Variants in AKAP13 observed in about 807,000 individuals in gnomAD.
AKAP13 encodes A-kinase anchor protein 13.
In AKAP13, 80 loss-of-function variants were observed where a neutral mutation model predicts 264.5. That is an observed-to-expected ratio of 0.30 (90% CI 0.25 to 0.36). AKAP13 has a LOEUF of 0.36. Ranked by LOEUF, AKAP13 falls within the 10% of genes least tolerant of loss-of-function variation. The probability of loss-of-function intolerance (pLI) is 1.00; values close to 1 mark genes in which losing one functional copy is unlikely to be tolerated. For synonymous variants in AKAP13, 1,380 were observed against 1,250.2 expected, an observed-to-expected ratio of 1.10 and a Z score of -2.19; for missense variants, 3,712 against 3,435.2, an observed-to-expected ratio of 1.08 and a Z score of -2.01.
intron 21 of AKAP13, 27 bp from the exon 22 acceptor site, chr15:85,717,980 C>G: frequency 6.2e-7 from 1 of 1,605,816 alleles, no homozygotes; most frequent in South Asian, 1.1e-5. Context: ...AAACCTGATT[C>G]TGATATTGAT....
In AKAP13 at chr15:85,515,542, C is replaced by T. The variant is rs976621180; in HGVS notation, c.34-5886C>T. 5.0e-5 allele frequency among the ~76,000 whole-genome samples: 7 copies of T among 138,970 alleles called. 1 individual carries two copies. The highest frequency in any genetic ancestry group is 1.1e-4 in the Non-Finnish European group (7 of 64,788). 91.2% of individuals were successfully genotyped at this position (138,970 alleles called of 152,430 possible). Reference sequence around the variant, plus strand: ...GTTGTCCCGATAATATCCTTAATAGCAGCTTGTTTTTATTAAGTATTCACT... The same window carrying T: ...GTTGTCCCGATAATATCCTTAATAGTAGCTTGTTTTTATTAAGTATTCACT... On this transcript the variant is annotated intron_variant, in intron 2 of 36. Coordinates refer to ENST00000394518, the MANE Select transcript of AKAP13 (RefSeq NM_007200.5).
chr15:85,441,354 G>T (rs1012125274), intron 1 of AKAP13, among the ~76,000 whole-genome samples: 2 of 151,916 alleles, frequency 1.3e-5, no homozygotes, highest in African/African-American at 4.8e-5. Context: ...TACTGTTTTT[G>T]TATTGAGTTA....
intron 5 of AKAP13, among the ~76,000 whole-genome samples, chr15:85,550,783 G>A (rs1418739015): frequency 6.6e-6 from 1 of 152,194 alleles, no homozygotes; most frequent in Admixed American, 6.5e-5. Context: ...TCATCAGTCT[G>A]TCCATCCCTT....
chr15:85,577,425 C>T (rs981983632), intron 6 of AKAP13, among the ~76,000 whole-genome samples: 7 of 152,158 alleles, frequency 4.6e-5, no homozygotes, highest in African/African-American at 1.7e-4. Flanking sequence ...AAGGTAAAAT[C>T]ACTAAAGATC....
At chr15:85,519,158 C>T (rs1479246863) in intron 2 of AKAP13, among the ~76,000 whole-genome samples, 3 of 151,892 alleles carry the variant, frequency 2.0e-5, no homozygotes, top group East Asian at 1.9e-4. Context: ...TAAGTTCTCA[C>T]GTAATCATTA....
intron 10 of AKAP13, 83 bp from the exon 11 acceptor site, chr15:85,655,334 A>C (rs2083049341): frequency 6.0e-6 from 9 of 1,509,926 alleles, no homozygotes; most frequent in Middle Eastern, 1.9e-4. Flanking sequence ...TCCACTGAGA[A>C]GCCATTGGCT....
At chr15:85,653,820 A>C (rs182087382) in intron 10 of AKAP13, among the ~76,000 whole-genome samples, 1 of 152,218 alleles carries the variant, frequency 6.6e-6, no homozygotes, top group Non-Finnish European at 1.5e-5. Flanking sequence ...GACAGTGTCC[A>C]CATCTTAAGA....
At position 85,614,093 on chromosome 15, in the gene AKAP13, A is replaced by G. The variant is rs143040369; in HGVS notation, c.4162-25281A>G. ...TGTAATATGTGTGTCAAGAAAACCA[A>G]TTTGATCTTAGTTATCCCAGTGTGC... On this transcript the variant is annotated intron_variant, in intron 8 of 36. Coordinates refer to ENST00000394518, the MANE Select transcript of AKAP13 (RefSeq NM_007200.5). 4.1e-3 allele frequency among the ~76,000 whole-genome samples: 626 copies of G among 152,222 alleles called. 4 individuals carry two copies. The highest frequency in any genetic ancestry group is 0.014 in the African/African-American group (596 of 41,526).
At chr15:85,674,758 G>A (rs1169722890) in intron 14 of AKAP13, among the ~76,000 whole-genome samples, 1 of 152,100 alleles carries the variant, frequency 6.6e-6, no homozygotes. Context: ...CAGTGCTATT[G>A]AGGATATTTT....
intron 19 of AKAP13, among the ~76,000 whole-genome samples, chr15:85,713,994 T>C (rs1459358851): frequency 6.6e-6 from 1 of 152,188 alleles, no homozygotes; most frequent in Non-Finnish European, 1.5e-5. Flanking sequence ...ATAACTCGGA[T>C]GATAGGTGTG....
rs2087508265 is a variant in AKAP13, at chr15:85,724,824, G to A, written c.6745+1504G>A. On this transcript the variant is annotated intron_variant, in intron 26 of 36. Coordinates refer to ENST00000394518, the MANE Select transcript of AKAP13 (RefSeq NM_007200.5). The surrounding 1 kb of genome is among the most constrained non-coding windows in gnomAD (Gnocchi z 4.2). ...GCTCATCTGGGCCTGCATTGTAGCA[G>A]AAGGCATAAAAAAGAAGGGCAGAAA... Among the ~76,000 whole-genome samples the A allele has an allele frequency of 6.6e-6, 1 of 151,892 alleles. No individual in the cohort carries two copies. The highest frequency in any genetic ancestry group is 6.6e-5 in the Admixed American group (1 of 15,220).
chr15:85,735,301 C>A, intron 31 of AKAP13, 151 bp downstream of exon 31: 2 of 1,136,858 alleles, frequency 1.8e-6, no homozygotes, highest in Non-Finnish European at 2.5e-6. Context: ...GTCAGTCAGA[C>A]TCATATTCAT....
chr15:85,744,428 G>T, intron 36 of AKAP13, 200 bp from the exon 37 acceptor site: 1 of 591,948 alleles, frequency 1.7e-6, no homozygotes, highest in East Asian at 3.0e-5. Context: ...AAAAGTTAAA[G>T]GGAGCATTAG....
chr15:85,553,805 CCAGT>C (rs2078046861), intron 5 of AKAP13, among the ~76,000 whole-genome samples: 1 of 152,176 alleles, frequency 6.6e-6, no homozygotes, highest in African/African-American at 2.4e-5. Context: ...TGCCTACTGT[CCAGT>C]CAGTGGTGAC....
chr15:85,552,322 G>A (rs1483875989), intron 5 of AKAP13, among the ~76,000 whole-genome samples: 1 of 152,098 alleles, frequency 6.6e-6, no homozygotes, highest in Non-Finnish European at 1.5e-5. Context: ...ATAATTCAGG[G>A]AAGTTTTTCA....
intron 1 of AKAP13, among the ~76,000 whole-genome samples, chr15:85,470,025 C>T (rs938862851): frequency 1.3e-5 from 2 of 152,180 alleles, no homozygotes; most frequent in Non-Finnish European, 2.9e-5. Context: ...TGATGGCTCA[C>T]GCCGGTAATC....
chr15:85,658,361 CTG>C (rs969260838), intron 11 of AKAP13, among the ~76,000 whole-genome samples, 174 bp from the exon 12 acceptor site: 1 of 152,182 alleles, frequency 6.6e-6, no homozygotes, highest in Non-Finnish European at 1.5e-5. Context: ...TCCACAGAAA[CTG>C]TCAGGCCCTT....
chr15:85,574,046 T>A (rs2078921808), intron 5 of AKAP13, among the ~76,000 whole-genome samples: 2 of 152,206 alleles, frequency 1.3e-5, no homozygotes, highest in Admixed American at 6.5e-5. Flanking sequence ...CATCATATAG[T>A]TAGGAGATAA....
intron 1 of AKAP13, among the ~76,000 whole-genome samples, chr15:85,459,421 A>G (rs2074418115): frequency 6.8e-6 from 1 of 147,512 alleles, no homozygotes; most frequent in Non-Finnish European, 1.5e-5. Context: ...CTGGTTTTGA[A>G]TGCCTCACCT....
Sources: gnomAD v4.1 joint callset for allele counts (sites outside exome capture counted in the v4.1 genomes callset) on GRCh38, gnomAD v4.1.1 for gene constraint, Gnocchi (gnomAD v3.1) non-coding constraint, MANE v1.5 for transcripts, NCBI Gene and HGNC (gene_info 2026-07-23, HGNC 2026-07-21) for gene names.